Variants in TLL2 observed in about 807,000 individuals in gnomAD.
TLL2 encodes tolloid like 2.
In TLL2, 106 loss-of-function variants were observed where a neutral mutation model predicts 123.0. The observed-to-expected ratio is 0.86, with a 90% CI of 0.74 to 1.01. TLL2 has a LOEUF of 1.01. Among genes scored for constraint, TLL2 ranks in the 50% least tolerant of loss-of-function variants. TLL2 has a pLI of 0.00. For synonymous variants in TLL2, 494 were observed against 516.8 expected (o/e 0.96, Z 0.60); for missense variants, 1,332 against 1,336.7 (o/e 1.00, Z 0.06).
At chr10:96,406,599 T>G (rs11188748) in intron 9 of TLL2, among the ~76,000 whole-genome samples, 67,667 of 151,818 alleles carry the variant, frequency 0.45, 15,506 homozygotes, top group Middle Eastern at 0.58. Flanking sequence ...CCTCAAAGGT[T>G]CCCATTCCCT....
At chr10:96,426,033 G>A (rs1238608663) in intron 5 of TLL2, among the ~76,000 whole-genome samples, 5 of 151,996 alleles carry the variant, frequency 3.3e-5, no homozygotes, top group Non-Finnish European at 5.9e-5. Context: ...TATATATAAT[G>A]CAAGAATCTA....
chr10:96,476,248 T>TTTTTTTTTTTTGTTGTTGTTGTTGTTG (rs1285354320), intron 2 of TLL2, among the ~76,000 whole-genome samples: 1 of 69,230 alleles, frequency 1.4e-5, no homozygotes, highest in African/African-American at 6.2e-5. Context: ...ATATTTTATT[T>TTTTTTTTTTTTGTTGTTGTTGTTGTTG]TTGTTGTTGT....
intron 2 of TLL2, among the ~76,000 whole-genome samples, chr10:96,456,203 C>G (rs1847013954): frequency 6.6e-6 from 1 of 152,162 alleles, no homozygotes; most frequent in Admixed American, 6.5e-5. Flanking sequence ...AGCCTCAATC[C>G]TCGATAGCAA....
intron 9 of TLL2, among the ~76,000 whole-genome samples, chr10:96,407,782 A>C (rs1381586669): frequency 6.6e-6 from 1 of 152,236 alleles, no homozygotes; most frequent in East Asian, 1.9e-4. Flanking sequence ...CCAGGAAAAA[A>C]CAGGTCAGCT....
intron 17 of TLL2, 36 bp from the exon 18 acceptor site, chr10:96,376,855 G>A (rs376779370): frequency 2.0e-6 from 3 of 1,487,832 alleles, no homozygotes; most frequent in Non-Finnish European, 2.7e-6. Flanking sequence ...AAAGAGAGAA[G>A]TCATTCACTG....
intron 8 of TLL2, among the ~76,000 whole-genome samples, chr10:96,412,576 C>T (rs117389200): frequency 0.015 from 2,209 of 152,268 alleles, 25 homozygotes; most frequent in Non-Finnish European, 0.021. Context: ...CACTTCCAAA[C>T]GGGCCAGGGA....
chr10:96,399,722 G>A (rs1846375884), intron 10 of TLL2, among the ~76,000 whole-genome samples: 1 of 152,204 alleles, frequency 6.6e-6, no homozygotes, highest in Non-Finnish European at 1.5e-5. Flanking sequence ...GACAGTGCCG[G>A]TTCACAAAAG....
At chr10:96,484,607 ACACACAC>A (rs777775073) in intron 1 of TLL2, among the ~76,000 whole-genome samples, 2 of 151,568 alleles carry the variant, frequency 1.3e-5, no homozygotes, top group Admixed American at 6.6e-5. Context: ...ACACACACAC[ACACACAC>A]ACACACACAC....
intron 2 of TLL2, among the ~76,000 whole-genome samples, chr10:96,456,299 G>A (rs923375018): frequency 1.3e-5 from 2 of 152,228 alleles, no homozygotes; most frequent in African/African-American, 4.8e-5. Flanking sequence ...AGATCTTTCA[G>A]AGTGCATATC....
chr10:96,459,879 A>G (rs1258744779), intron 2 of TLL2, among the ~76,000 whole-genome samples: 1 of 151,088 alleles, frequency 6.6e-6, no homozygotes, highest in Non-Finnish European at 1.5e-5. Flanking sequence ...ACTGGGGGGT[A>G]TCAGTCCTAC....
At chr10:96,438,540 T>G (rs1200329247) in intron 3 of TLL2, among the ~76,000 whole-genome samples, 2 of 152,228 alleles carry the variant, frequency 1.3e-5, no homozygotes, top group Non-Finnish European at 2.9e-5. Context: ...GTTTTTGGGC[T>G]TTTCTTTTTC....
In TLL2 at chr10:96,491,393, AAAAAAGAAAAG is replaced by A. The variant is rs1404428351; in HGVS notation, c.176-10945_176-10935del. Among the ~76,000 whole-genome samples the A allele has an allele frequency of 2.9e-3, 445 of 151,588 alleles. 3 individuals carry two copies. Among genetic ancestry groups the A allele is most frequent in the African/African-American group, 9.0e-3 (371 of 41,302 alleles). On this transcript the variant is annotated intron_variant, in intron 1 of 20. Coordinates refer to ENST00000357947, the MANE Select transcript of TLL2 (RefSeq NM_012465.4). Reference sequence around the variant, plus strand: ...GCAAAACTCTGTCTCAAAAAAAAAAAAAAAAGAAAAGAAAAGAAAAGAAAAAAAGCACATCC... The same window carrying A: ...GCAAAACTCTGTCTCAAAAAAAAAAAAAAAGAAAAGAAAAAAAGCACATCC...
At chr10:96,379,735 T>C (rs1589406100) in intron 16 of TLL2, among the ~76,000 whole-genome samples, 1 of 152,198 alleles carries the variant, frequency 6.6e-6, no homozygotes, top group African/African-American at 2.4e-5. Flanking sequence ...GGCAGGAGAA[T>C]TGCTTGAACC....
At chr10:96,419,260 C>T (rs113647636) in intron 7 of TLL2, among the ~76,000 whole-genome samples, 1,766 of 152,206 alleles carry the variant, frequency 0.012, 36 homozygotes, top group African/African-American at 0.04. Context: ...AACCCCTCAC[C>T]CATCTGCATC....
chr10:96,433,314 C>G (rs963872954), intron 3 of TLL2, among the ~76,000 whole-genome samples: 2 of 152,102 alleles, frequency 1.3e-5, no homozygotes, highest in African/African-American at 4.8e-5. Context: ...GGGGAACAAA[C>G]TGGGTCAATC....
intron 1 of TLL2, among the ~76,000 whole-genome samples, chr10:96,482,826 A>C (rs1195866743): frequency 2.6e-5 from 4 of 152,216 alleles, no homozygotes; most frequent in African/African-American, 9.7e-5. Context: ...ATTATACTCA[A>C]GATGTCTGTT....
chr10:96,396,079 A>C, intron 11 of TLL2, 59 bp from the exon 12 acceptor site: 7 of 1,577,828 alleles, frequency 4.4e-6, no homozygotes, highest in Non-Finnish European at 6.1e-6. Context: ...TTACTTAGGA[A>C]GGAAGGTTGG....
At chr10:96,400,506 A>G (rs72829528) in intron 10 of TLL2, among the ~76,000 whole-genome samples, 24,404 of 152,256 alleles carry the variant, frequency 0.16, 2,023 homozygotes, top group South Asian at 0.24. Flanking sequence ...GACAAGTAGG[A>G]ATGAAGATCA....
intron 2 of TLL2, among the ~76,000 whole-genome samples, chr10:96,466,306 A>G (rs951124849): frequency 1.3e-5 from 2 of 152,248 alleles, no homozygotes; most frequent in Admixed American, 6.5e-5. Flanking sequence ...TGACCAGAAC[A>G]TGGAAGAAGA....
Sources: allele counts gnomAD v4.1 joint callset (sites outside exome capture counted in the v4.1 genomes callset), GRCh38; gene constraint gnomAD v4.1.1; transcripts MANE v1.5; gene names NCBI Gene and HGNC (gene_info 2026-07-23, HGNC 2026-07-21).